Variants in GALR2 observed in about 807,000 individuals in gnomAD.
The protein encoded by GALR2 is galanin receptor type 2.
Under a neutral mutation model 7.2 loss-of-function variants are expected in GALR2, and 5 were observed. The observed-to-expected ratio is 0.69, with a 90% CI of 0.36 to 1.45. The LOEUF (loss-of-function observed/expected upper bound fraction) is 1.45. Ranked by LOEUF, GALR2 falls within the 40% of genes most tolerant of loss-of-function variation. The probability of loss-of-function intolerance (pLI) is 0.03; values close to 1 mark genes in which losing one functional copy is unlikely to be tolerated. For synonymous variants in GALR2, 300 were observed against 263.9 expected (o/e 1.14, Z -1.32); for missense variants, 561 against 555.7 (o/e 1.01, Z -0.10).
upstream of GALR2, chr17:76,074,721 C>T (rs1031659495): frequency 1.5e-5 from 11 of 717,476 alleles, no homozygotes; most frequent in Middle Eastern, 8.0e-4. The surrounding 1 kb of genome is among the most constrained non-coding windows in gnomAD (Gnocchi z 6.7). Context: ...TCCTCCTGAC[C>T]CCAGCGCACC....
chr17:76,074,790 C>T lies in GALR2; in HGVS notation c.-94C>T, dbSNP rs913345020. ...CCGCCTTCAGCCCGGCAGAGTCGCA[C>T]TAGGAGTTGCAGCGGCCGCAGCCCC... is the stretch of plus-strand genomic sequence containing the variant. On this transcript the variant is annotated 5_prime_UTR_variant, in exon 1 of 2. Transcript: ENST00000329003. This position sits in a 1 kb window ranked among gnomAD's most constrained non-coding sequence, Gnocchi z 6.7. 291 of 1,322,912 alleles carry T rather than the reference C, an allele frequency of 2.2e-4. No homozygotes were observed. Among genetic ancestry groups the T allele is most frequent in the Non-Finnish European group, 2.8e-4 (278 of 1,001,822 alleles). The allele number at this position is 1,322,912 out of a possible 1,614,324, so 81.9% of individuals were successfully genotyped here.
upstream of GALR2, chr17:76,072,236 C>T (rs2066858677): frequency 6.3e-7 from 1 of 1,598,320 alleles, no homozygotes; most frequent in African/African-American, 1.4e-5. This position sits in a 1 kb window ranked among gnomAD's most constrained non-coding sequence, Gnocchi z 4.5. Flanking sequence ...CGGGACCCGC[C>T]GCCTCTCCCG....
At chr17:76,072,444 ACTGCCGCCGCCG>A (rs751740834), upstream of GALR2, 7 of 1,580,026 alleles carry the variant, frequency 4.4e-6, no homozygotes, top group Middle Eastern at 3.5e-4. The surrounding 1 kb of genome is among the most constrained non-coding windows in gnomAD (Gnocchi z 4.5). Flanking sequence ...CGCCGCCGCC[ACTGCCGCCGCCG>A]CCGCCGCCGC....
At chr17:76,072,261 G>C, upstream of GALR2, 1 of 1,603,538 alleles carries the variant, frequency 6.2e-7, no homozygotes, top group Non-Finnish European at 8.5e-7. The surrounding 1 kb of genome is among the most constrained non-coding windows in gnomAD (Gnocchi z 4.5). Context: ...CAGCCCTCCA[G>C]TTCGACACGT....
At position 76,074,871 on chromosome 17, in the gene GALR2, G is replaced by T. The variant is rs1207202998; in HGVS notation, c.-13G>T. The T allele has an allele frequency of 2.0e-6, 3 of 1,497,508 alleles. No individual in the cohort carries two copies. The South Asian group carries it at 3.9e-5, about 19-fold the overall frequency. 92.8% of individuals were successfully genotyped at this position (1,497,508 alleles called of 1,614,324 possible). On this transcript the variant is annotated 5_prime_UTR_variant, in exon 1 of 2. Coordinates refer to ENST00000329003, the MANE Select transcript of GALR2 (RefSeq NM_003857.4). The surrounding 1 kb of genome is among the most constrained non-coding windows in gnomAD (Gnocchi z 6.7). ...GCTGCAGGAGCCCGGGCAGCCTCGG[G>T]GTCAGCGGCACCATGAACGTCTCGG...
Position 76,077,311 on chromosome 17 carries a change from G to A in GALR2, c.1044G>A (p.Ala348=). 1 of 1,585,430 alleles carries A rather than the reference G, an allele frequency of 6.3e-7. No homozygotes were observed. Among genetic ancestry groups the A allele is most frequent in the Non-Finnish European group, 8.5e-7 (1 of 1,172,762 alleles). The change falls in exon 2 of 2, where the codon GCG becomes GCA. Residue 348 remains alanine, a synonymous_variant. Transcript: ENST00000329003. The part of the protein sequence containing the change: ...ESSDLLHMSE[A]AGALRPCPGA... ...GCGACCTGTTGCACATGAGCGAGGCGGCGGGGGCCCTTCGTCCCTGCCCCG... is the reference window on the plus strand; with the variant it reads ...GCGACCTGTTGCACATGAGCGAGGCAGCGGGGGCCCTTCGTCCCTGCCCCG...
Position 76,075,279 on chromosome 17 carries a change from A to C in GALR2, c.368+28A>C. The C allele has an allele frequency of 6.3e-7, 1 of 1,579,212 alleles. No homozygotes were observed. Among genetic ancestry groups the C allele is most frequent in the Non-Finnish European group, 8.6e-7 (1 of 1,167,396 alleles). On this transcript the variant is annotated intron_variant, in intron 1 of 1. Transcript: ENST00000329003. This position sits in a 1 kb window ranked among gnomAD's most constrained non-coding sequence, Gnocchi z 5.9. ...GAGCCAGCGCCTTGGCCTCCCTGGG[A>C]GATGGGCATCCACGCGGGGGATGGA...
At chr17:76,072,546 G>C, upstream of GALR2, 1 of 1,548,102 alleles carries the variant, frequency 6.5e-7, no homozygotes, top group Non-Finnish European at 8.6e-7. This position sits in a 1 kb window ranked among gnomAD's most constrained non-coding sequence, Gnocchi z 4.5. Flanking sequence ...CGACCTGGGC[G>C]GGTGAGAGCT....
chr17:76,073,083 G>C (rs1311492125), upstream of GALR2, among the ~76,000 whole-genome samples: 2 of 152,192 alleles, frequency 1.3e-5, no homozygotes, highest in Non-Finnish European at 2.9e-5. Context: ...CTTTGGGGCC[G>C]TCAGTCCAAA....
chr17:76,072,218 G>A, upstream of GALR2: 1 of 1,591,972 alleles, frequency 6.3e-7, no homozygotes, highest in African/African-American at 1.4e-5. The surrounding 1 kb of genome is among the most constrained non-coding windows in gnomAD (Gnocchi z 4.5). Flanking sequence ...TCTCCTGCCA[G>A]GACTTGTCGG....
chr17:76,076,976 A>G lies in GALR2; in HGVS notation c.709A>G (p.Met237Val), dbSNP rs1055594226. 6.2e-7 allele frequency: 1 copy of G among 1,607,230 alleles called. No homozygotes were observed. Among genetic ancestry groups the G allele is most frequent in the Non-Finnish European group, 8.5e-7 (1 of 1,179,670 alleles). ...GCGCGCCAAGCGCAAGGTGACACGCATGATCCTCATCGTGGCCGCGCTCTT... is the reference window on the plus strand; with the variant it reads ...GCGCGCCAAGCGCAAGGTGACACGCGTGATCCTCATCGTGGCCGCGCTCTT... ...ARRAKRKVTR[M>V]ILIVAALFCL... Residue 237 changes from methionine to valine, a missense_variant, in exon 2 of 2, where the codon ATG (methionine) becomes GTG (valine). Transcript: ENST00000329003. This position sits in a 1 kb window ranked among gnomAD's most constrained non-coding sequence, Gnocchi z 6.5.
rs2066884461 is a variant in GALR2 at position 76,075,503 on chromosome 17, C to T, written c.368+252C>T. On this transcript the variant is annotated intron_variant, in intron 1 of 1. Coordinates refer to ENST00000329003, the MANE Select transcript of GALR2 (RefSeq NM_003857.4). This position sits in a 1 kb window ranked among gnomAD's most constrained non-coding sequence, Gnocchi z 5.9. The stretch of plus-strand genomic sequence containing the variant: ...CCAGCGCCGCCCGTGCCTGACAACG[C>T]GCAGCGTTTCCCAGTACGACGCGTT... Among the ~76,000 whole-genome samples the T allele has an allele frequency of 6.6e-6, 1 of 152,250 alleles. No individual in the cohort carries two copies. The highest frequency in any genetic ancestry group is 1.5e-5 in the Non-Finnish European group (1 of 68,042).
In GALR2 at chr17:76,077,111, T is replaced by C. The variant is rs775905475; in HGVS notation, c.844T>C (p.Tyr282His). 3.7e-6 allele frequency: 6 copies of C among 1,612,930 alleles called. No individual in the cohort carries two copies. The highest frequency in any genetic ancestry group is 3.3e-5 in the South Asian group (3 of 91,084). The part of the protein sequence containing the change: ...ALRILSHLVS[Y>H]ANSCVNPIVY... ...TCGCATCCTCTCGCACCTGGTCTCC[T>C]ACGCCAACTCCTGCGTCAACCCCAT... Residue 282 changes from tyrosine to histidine, a missense_variant, in exon 2 of 2, where the codon TAC becomes CAC. Physicochemically the swap from Tyr to His is moderately conservative, Grantham distance 83 (BLOSUM62 2). Transcript: ENST00000329003.
Position 76,075,235 on chromosome 17 carries a change from GC to G in GALR2, c.354del (p.Val119SerfsTer43), listed in dbSNP as rs1567940983. ...TMHASSFTLA[A>X]VSLDRYLAIR... ...GCACGCCAGCAGCTTCACGCTGGCCGCCGTCTCCCTGGACAGGTGAGCCAGC... is the reference window on the plus strand; with the variant it reads ...GCACGCCAGCAGCTTCACGCTGGCCGCGTCTCCCTGGACAGGTGAGCCAGC... On this transcript the variant is annotated frameshift_variant, in exon 1 of 2. Transcript: ENST00000329003. LOFTEE classifies it low-confidence loss of function (END_TRUNC). The surrounding 1 kb of genome is among the most constrained non-coding windows in gnomAD (Gnocchi z 5.9). 6.2e-7 allele frequency: 1 copy of G among 1,603,612 alleles called. No homozygotes were observed. The highest frequency in any genetic ancestry group is 8.5e-7 in the Non-Finnish European group (1 of 1,179,282).
rs375204552 is a variant in GALR2 at position 76,076,335 on chromosome 17, GC to G, written c.369-298del. Among the ~76,000 whole-genome samples, 167 of 152,314 alleles carry G rather than the reference GC, an allele frequency of 1.1e-3. No homozygotes were observed. The highest frequency in any genetic ancestry group is 3.9e-3 in the African/African-American group (162 of 41,560). ...CTTTAGTCTTCAGTGGCTTTGGGGT[GC>G]CCTCTCAGTGGAGACTGTGGTTGCA... is the stretch of plus-strand genomic sequence containing the variant. On this transcript the variant is annotated intron_variant, in intron 1 of 1. Coordinates refer to ENST00000329003, the MANE Select transcript of GALR2 (RefSeq NM_003857.4). This position sits in a 1 kb window ranked among gnomAD's most constrained non-coding sequence, Gnocchi z 6.5.
Position 76,076,046 on chromosome 17 carries a change from C to G in GALR2, c.369-590C>G, listed in dbSNP as rs1209995862. On this transcript the variant is annotated intron_variant, in intron 1 of 1. Coordinates refer to ENST00000329003, the MANE Select transcript of GALR2 (RefSeq NM_003857.4). The surrounding 1 kb of genome is among the most constrained non-coding windows in gnomAD (Gnocchi z 6.5). ...AATCCGGGTATTTCCCCTCTCCATC[C>G]TCTGGAAAAACAGAGAGGCGAGGCC... Among the ~76,000 whole-genome samples, 3 of 152,318 alleles carry G rather than the reference C, an allele frequency of 2.0e-5. No individual in the cohort carries two copies. Among genetic ancestry groups the G allele is most frequent in the Non-Finnish European group, 4.4e-5 (3 of 68,028 alleles).
At position 76,075,365 on chromosome 17, in the gene GALR2, G is replaced by A. The variant is rs2066883813; in HGVS notation, c.368+114G>A. 1 of 1,165,850 alleles carries A rather than the reference G, an allele frequency of 8.6e-7. No individual in the cohort carries two copies. Among genetic ancestry groups the A allele is most frequent in the Non-Finnish European group, 1.2e-6 (1 of 833,168 alleles). 72.2% of individuals were successfully genotyped at this position (1,165,850 alleles called of 1,614,324 possible). A position where few individuals can be genotyped will look rare whatever the true frequency, so the allele number is the denominator to read the frequency against. ...CAGAGTGGGACAGGACACTAAGAAG[G>A]CAGTGGAAGACAAGCGGGCGCGGAG... On this transcript the variant is annotated intron_variant, in intron 1 of 1. Coordinates refer to ENST00000329003, the MANE Select transcript of GALR2 (RefSeq NM_003857.4). This position sits in a 1 kb window ranked among gnomAD's most constrained non-coding sequence, Gnocchi z 5.9.
Position 76,075,398 on chromosome 17 carries a change from AAG to A in GALR2, c.368+150_368+151del. Reference sequence around the variant, plus strand: ...AGACAAGCGGGCGCGGAGGAGGAAAAAGAGGAATAAGAATGGGGGACCGTGGT... The same window carrying A: ...AGACAAGCGGGCGCGGAGGAGGAAAAAGGAATAAGAATGGGGGACCGTGGT... On this transcript the variant is annotated intron_variant, in intron 1 of 1. Transcript: ENST00000329003. This position sits in a 1 kb window ranked among gnomAD's most constrained non-coding sequence, Gnocchi z 5.9. 1 of 824,300 alleles carries A rather than the reference AAG, an allele frequency of 1.2e-6. No individual in the cohort carries two copies. Among genetic ancestry groups the A allele is most frequent in the Non-Finnish European group, 1.9e-6 (1 of 536,844 alleles). 51.1% of individuals were successfully genotyped at this position (824,300 alleles called of 1,614,324 possible).
upstream of GALR2, among the ~76,000 whole-genome samples, chr17:76,073,717 C>T (rs1358629912): frequency 1.3e-5 from 2 of 151,376 alleles, no homozygotes; most frequent in South Asian, 2.1e-4. Flanking sequence ...CAGCAGATCC[C>T]TCTTAGAAGG....
Sources: allele counts gnomAD v4.1 joint callset (sites outside exome capture counted in the v4.1 genomes callset), GRCh38; gene constraint gnomAD v4.1.1; non-coding constraint Gnocchi (gnomAD v3.1); transcripts MANE v1.5; gene names NCBI Gene and HGNC (gene_info 2026-07-23, HGNC 2026-07-21).